Variants in BLOC1S6 observed in about 807,000 individuals in gnomAD.
BLOC1S6 encodes the protein biogenesis of lysosome-related organelles complex 1 subunit 6.
BLOC1S6 carries 24 observed loss-of-function variants against 24.7 expected under a neutral mutation model. That is an observed-to-expected ratio of 0.97 (90% confidence interval 0.70 to 1.37). The LOEUF (loss-of-function observed/expected upper bound fraction) is 1.37. BLOC1S6 is among the 40% of genes most tolerant of loss of function. The pLI is 0.00. For missense variants in BLOC1S6, 175 were observed against 196.2 expected (o/e 0.89, Z 0.64); for synonymous variants, 76 against 72.6 (o/e 1.05, Z -0.23).
At position 45,608,122 on chromosome 15, in the gene BLOC1S6, A is replaced by T. The variant is rs1894545041; in HGVS notation, c.*1608A>T. 1 of 152,628 alleles carries T rather than the reference A, an allele frequency of 6.6e-6. No individual in the cohort carries two copies. The highest frequency in any genetic ancestry group is 6.5e-5 in the Admixed American group (1 of 15,278). 9.5% of individuals were successfully genotyped at this position (152,628 alleles called of 1,614,324 possible). On this transcript the variant is annotated 3_prime_UTR_variant, in exon 5 of 5. Coordinates refer to ENST00000220531, the MANE Select transcript of BLOC1S6 (RefSeq NM_012388.4). ...CCACAATACATTTCTGGTAAGATGGAATCACTACCTCTGATCACATATCAG... is the reference window on the plus strand; with the variant it reads ...CCACAATACATTTCTGGTAAGATGGTATCACTACCTCTGATCACATATCAG...
chr15:45,604,157 C>T (rs1056279230), intron 3 of BLOC1S6, among the ~76,000 whole-genome samples: 1 of 152,046 alleles, frequency 6.6e-6, no homozygotes, highest in African/African-American at 2.4e-5. Context: ...TTACTTGAGG[C>T]GTGCAGTTTA....
At chr15:45,592,386 TTGAG>T in intron 2 of BLOC1S6, 110 bp downstream of exon 2, 1 of 1,300,586 alleles carries the variant, frequency 7.7e-7, no homozygotes, top group Non-Finnish European at 1.1e-6. Context: ...GCAATTATAA[TTGAG>T]TATGTCTATA....
rs912523398 is a variant in BLOC1S6 at position 45,607,219 on chromosome 15, G to A, written c.*705G>A. 2.0e-5 allele frequency: 3 copies of A among 152,266 alleles called. No individual in the cohort carries two copies. Among genetic ancestry groups the A allele is most frequent in the African/African-American group, 7.2e-5 (3 of 41,424 alleles). 9.4% of individuals were successfully genotyped at this position (152,266 alleles called of 1,614,324 possible). A position where few individuals can be genotyped will look rare whatever the true frequency, so the allele number is the denominator to read the frequency against. On this transcript the variant is annotated 3_prime_UTR_variant, in exon 5 of 5. Transcript: ENST00000220531. Reference sequence around the variant, plus strand: ...AACATAATGGAAAAGTGCATGTACGGGAAATAACAGCACTTTAGGTGTAGT... The same window carrying A: ...AACATAATGGAAAAGTGCATGTACGAGAAATAACAGCACTTTAGGTGTAGT...
chr15:45,587,299 G>A (rs946687555), upstream of BLOC1S6: 23 of 783,776 alleles, frequency 2.9e-5, no homozygotes, highest in South Asian at 2.5e-4. Flanking sequence ...TCGAGCGCGT[G>A]ATCGAAGCCC....
chr15:45,609,631 C>A lies in BLOC1S6; in HGVS notation c.*3117C>A, dbSNP rs1894608686. 1 of 152,102 alleles carries A rather than the reference C, an allele frequency of 6.6e-6. No individual in the cohort carries two copies. The highest frequency in any genetic ancestry group is 2.4e-5 in the African/African-American group (1 of 41,424). The allele number at this position is 152,102 out of a possible 1,614,324, so 9.4% of individuals were successfully genotyped here. On this transcript the variant is annotated 3_prime_UTR_variant, in exon 5 of 5. Transcript: ENST00000220531. ...AGTTTATAAATATAACAATTATACA[C>A]CCTCATACATTCGTCTGATTTTGAG...
intron 2 of BLOC1S6, among the ~76,000 whole-genome samples, chr15:45,597,160 G>A (rs1894107694): frequency 6.6e-6 from 1 of 152,160 alleles, no homozygotes; most frequent in East Asian, 1.9e-4. Context: ...CTTAGATCAA[G>A]TTGGAAATAA....
At chr15:45,601,461 T>C (rs955423046) in intron 2 of BLOC1S6, 4 of 152,986 alleles carry the variant, frequency 2.6e-5, no homozygotes, top group Middle Eastern at 1.2e-3. Flanking sequence ...CATAAACTTT[T>C]TGTTTCTCCT....
At chr15:45,597,253 G>T (rs531371565) in intron 2 of BLOC1S6, among the ~76,000 whole-genome samples, 2 of 152,260 alleles carry the variant, frequency 1.3e-5, no homozygotes, top group South Asian at 2.1e-4. Flanking sequence ...GGGGCAGAAG[G>T]ATCTCTTGAG....
intron 2 of BLOC1S6, 22 bp downstream of exon 2, chr15:45,592,298 T>A: frequency 6.2e-7 from 1 of 1,612,602 alleles, no homozygotes; most frequent in African/African-American, 1.3e-5. Context: ...AAAAACCAGA[T>A]ATACACTCAT....
chr15:45,601,227 G>A (rs1000081628), intron 2 of BLOC1S6: 16 of 154,482 alleles, frequency 1.0e-4, no homozygotes, highest in African/African-American at 3.8e-4. Context: ...TTCTTGTGAT[G>A]ATATAGCACA....
intron 3 of BLOC1S6, among the ~76,000 whole-genome samples, chr15:45,604,274 C>CT (rs1456458211): frequency 1.3e-5 from 2 of 151,988 alleles, no homozygotes; most frequent in Admixed American, 1.3e-4. Context: ...ATGGACTTTT[C>CT]TTTGGACAAA....
intron 1 of BLOC1S6, among the ~76,000 whole-genome samples, chr15:45,591,606 C>G (rs2140903867): frequency 6.6e-6 from 1 of 152,124 alleles, no homozygotes; most frequent in Non-Finnish European, 1.5e-5. Context: ...CCATTCTGGG[C>G]TTGAGCAATT....
intron 2 of BLOC1S6, among the ~76,000 whole-genome samples, chr15:45,592,607 T>C (rs1364904939): frequency 3.3e-5 from 5 of 152,142 alleles, no homozygotes; most frequent in Non-Finnish European, 5.9e-5. Context: ...TGTTTCTGAG[T>C]AGAGTTGAAA....
intron 2 of BLOC1S6, among the ~76,000 whole-genome samples, chr15:45,595,806 A>G (rs947376730): frequency 6.6e-6 from 1 of 152,006 alleles, no homozygotes; most frequent in Non-Finnish European, 1.5e-5. Context: ...ATTTTGAGTT[A>G]ATTTTGTTTG....
chr15:45,604,499 A>G (rs2140917918), intron 3 of BLOC1S6, among the ~76,000 whole-genome samples: 1 of 152,270 alleles, frequency 6.6e-6, no homozygotes, highest in Non-Finnish European at 1.5e-5. Flanking sequence ...TGAATGTTGA[A>G]TGAATTAACC....
At chr15:45,600,287 TAACCTGC>T (rs1894227439) in intron 2 of BLOC1S6, among the ~76,000 whole-genome samples, 1 of 151,414 alleles carries the variant, frequency 6.6e-6, no homozygotes, top group African/African-American at 2.4e-5. Context: ...CATACGTAAC[TAACCTGC>T]ACAATGTGCA....
chr15:45,593,890 G>GAGGTT (rs1262659817), intron 2 of BLOC1S6, among the ~76,000 whole-genome samples: 4 of 152,128 alleles, frequency 2.6e-5, no homozygotes, highest in African/African-American at 7.2e-5. Context: ...GAGGCTCAGA[G>GAGGTT]AGGTTAAGTA....
rs751045828 is a variant in BLOC1S6 at position 45,606,556 on chromosome 15, G to C, written c.*42G>C. On this transcript the variant is annotated 3_prime_UTR_variant, in exon 5 of 5. Transcript: ENST00000220531. ...GTTTTCTTCTCCTGTCCCATATTTG[G>C]GTTATGATGACTCAAGTGTAGACTG... 1.2e-6 allele frequency: 2 copies of C among 1,613,976 alleles called. No individual in the cohort carries two copies. The highest frequency in any genetic ancestry group is 1.3e-5 in the African/African-American group (1 of 74,994).
chr15:45,592,993 C>G (rs1893938932), intron 2 of BLOC1S6, among the ~76,000 whole-genome samples: 1 of 152,110 alleles, frequency 6.6e-6, no homozygotes, highest in Admixed American at 6.5e-5. Flanking sequence ...TGAAAACTTA[C>G]TTAAGAGGCC....
Sources: allele counts gnomAD v4.1 joint callset (sites outside exome capture counted in the v4.1 genomes callset), GRCh38; gene constraint gnomAD v4.1.1; transcripts MANE v1.5; gene names NCBI Gene and HGNC (gene_info 2026-07-23, HGNC 2026-07-21).